Variants in NOL4 observed in about 807,000 individuals in gnomAD.
NOL4 encodes nucleolar protein 4.
Under a neutral mutation model 75.9 loss-of-function variants are expected in NOL4, and 17 were observed. That is an observed-to-expected ratio of 0.22 (90% CI 0.15 to 0.34). The LOEUF is 0.34. Among genes scored for constraint, NOL4 ranks in the 10% least tolerant of loss-of-function variants. The pLI is 1.00. For missense variants in NOL4, 614 were observed against 793.5 expected, an observed-to-expected ratio of 0.77 and a Z score of 2.72; for synonymous variants, 292 against 289.9, an observed-to-expected ratio of 1.01 and a Z score of -0.07.
At chr18:34,143,980 C>T (rs113723647) in intron 1 of NOL4, among the ~76,000 whole-genome samples, 1 of 150,468 alleles carries the variant, frequency 6.6e-6, no homozygotes, top group African/African-American at 2.4e-5. Flanking sequence ...TGTATAAATA[C>T]TTCTATCATT....
intron 7 of NOL4, 119 bp downstream of exon 7, chr18:33,958,120 T>C (rs2069794859): frequency 9.9e-7 from 1 of 1,008,398 alleles, no homozygotes; most frequent in Admixed American, 2.5e-5. Context: ...CATGTACTTT[T>C]TAAATCCTTC....
intron 9 of NOL4, among the ~76,000 whole-genome samples, chr18:33,942,427 CTG>C (rs1010327997): frequency 1.3e-5 from 2 of 151,722 alleles, no homozygotes; most frequent in African/African-American, 2.4e-5. Flanking sequence ...AAGGGAAAGA[CTG>C]AGGGAAACAC....
At chr18:34,038,905 C>T (rs1340817514) in intron 5 of NOL4, among the ~76,000 whole-genome samples, 1 of 151,940 alleles carries the variant, frequency 6.6e-6, no homozygotes, top group Non-Finnish European at 1.5e-5. Context: ...GAAATGTTAC[C>T]CTTTTCAAGG....
intron 4 of NOL4, among the ~76,000 whole-genome samples, chr18:34,099,842 T>G (rs1266630094): frequency 6.6e-6 from 1 of 152,164 alleles, no homozygotes; most frequent in Non-Finnish European, 1.5e-5. Context: ...TGAGTAATTC[T>G]CTTTTTCCCT....
intron 9 of NOL4, among the ~76,000 whole-genome samples, chr18:33,895,517 A>T (rs1368581254): frequency 6.6e-6 from 1 of 152,120 alleles, no homozygotes; most frequent in Non-Finnish European, 1.5e-5. Context: ...GAGGTTCAAA[A>T]ATGTGATTAC....
chr18:34,059,443 A>AT (rs1039638346), intron 5 of NOL4, among the ~76,000 whole-genome samples: 5 of 151,202 alleles, frequency 3.3e-5, no homozygotes, highest in South Asian at 2.1e-4. Flanking sequence ...GTTAATTCTG[A>AT]TTTTTTTTCT....
At chr18:34,176,674 C>T (rs955286809) in intron 1 of NOL4, among the ~76,000 whole-genome samples, 14 of 152,154 alleles carry the variant, frequency 9.2e-5, no homozygotes, top group Admixed American at 5.9e-4. Flanking sequence ...CATGAGCGCT[C>T]TCTCTCTCTA....
At chr18:34,158,785 G>A (rs182746846) in intron 1 of NOL4, among the ~76,000 whole-genome samples, 6 of 152,234 alleles carry the variant, frequency 3.9e-5, no homozygotes, top group Admixed American at 3.9e-4. Flanking sequence ...ATTAAATAGG[G>A]CCCAGGACAG....
In NOL4 at chr18:33,883,491, C is replaced by T. The variant is rs1235332003; in HGVS notation, c.1543-67G>A. On this transcript the variant is annotated intron_variant, in intron 9 of 10. Transcript: ENST00000261592. ...TGCTATTTCACCTTGAACAGGACTA[C>T]CTTATTGTTATCTAAATACCTGCAT... is the stretch of plus-strand genomic sequence containing the variant. The T allele has an allele frequency of 1.5e-5, 19 of 1,245,706 alleles. 1 individual carries two copies. Among genetic ancestry groups the T allele is most frequent in the Admixed American group, 5.2e-5 (2 of 38,514 alleles). The allele number at this position is 1,245,706 out of a possible 1,614,324, so 77.2% of individuals were successfully genotyped here. A position where few individuals can be genotyped will look rare whatever the true frequency, so the allele number is the denominator to read the frequency against.
intron 9 of NOL4, among the ~76,000 whole-genome samples, chr18:33,890,066 A>G (rs556244581): frequency 2.4e-4 from 37 of 152,146 alleles, no homozygotes; most frequent in African/African-American, 7.9e-4. Context: ...GAAATAAAGC[A>G]TATTCAGTTA....
At chr18:34,010,363 A>G (rs564560824) in intron 6 of NOL4, among the ~76,000 whole-genome samples, 1 of 151,950 alleles carries the variant, frequency 6.6e-6, no homozygotes, top group African/African-American at 2.4e-5. Flanking sequence ...ATAGTATTCC[A>G]TTGTGTATAT....
intron 5 of NOL4, among the ~76,000 whole-genome samples, chr18:34,051,540 T>C (rs1045607505): frequency 2.0e-5 from 3 of 152,072 alleles, no homozygotes; most frequent in African/African-American, 7.2e-5. Context: ...TATAAGAGAA[T>C]GAGTTATCAC....
At chr18:33,965,494 C>G (rs184293571) in intron 6 of NOL4, among the ~76,000 whole-genome samples, 1 of 152,042 alleles carries the variant, frequency 6.6e-6, no homozygotes, top group African/African-American at 2.4e-5. Flanking sequence ...CCTTGTGATA[C>G]GGTTTGGCTG....
At chr18:34,124,905 C>CAA (rs11332460) in intron 2 of NOL4, among the ~76,000 whole-genome samples, 4,653 of 147,728 alleles carry the variant, frequency 0.031, 78 homozygotes, top group Middle Eastern at 0.046. Context: ...AAAACTGTCT[C>CAA]AAAAAAAAAA....
chr18:33,993,143 C>A (rs540579661), intron 6 of NOL4, among the ~76,000 whole-genome samples: 2 of 152,080 alleles, frequency 1.3e-5, no homozygotes, highest in East Asian at 1.9e-4. Flanking sequence ...ACATTGGTAA[C>A]CATTCCTTCA....
chr18:34,086,131 A>T (rs1255533857), intron 5 of NOL4, among the ~76,000 whole-genome samples: 1 of 152,170 alleles, frequency 6.6e-6, no homozygotes, highest in Admixed American at 6.5e-5. Context: ...ATTAGGTTTA[A>T]TAATGCATTA....
intron 10 of NOL4, among the ~76,000 whole-genome samples, chr18:33,873,085 TCA>T (rs1567986169): frequency 6.6e-6 from 1 of 152,018 alleles, no homozygotes; most frequent in African/African-American, 2.4e-5. Context: ...TTCAATTAGA[TCA>T]CACAGTCACT....
intron 9 of NOL4, among the ~76,000 whole-genome samples, chr18:33,898,427 G>A (rs1382348718): frequency 6.6e-6 from 1 of 151,948 alleles, no homozygotes; most frequent in Admixed American, 6.6e-5. Flanking sequence ...TTAAATTTTG[G>A]TATTAAATTT....
chr18:33,957,595 C>T (rs2069746240), intron 7 of NOL4, 78 bp from the exon 8 acceptor site: 3 of 1,139,442 alleles, frequency 2.6e-6, no homozygotes, highest in Non-Finnish European at 2.4e-6. Context: ...TCTTGATTAC[C>T]GATAGGAAAA....
Sources: gnomAD v4.1 joint callset for allele counts (sites outside exome capture counted in the v4.1 genomes callset) on GRCh38, gnomAD v4.1.1 for gene constraint, MANE v1.5 for transcripts, NCBI Gene and HGNC (gene_info 2026-07-23, HGNC 2026-07-21) for gene names.